Variants in ARB2A observed in about 807,000 individuals in gnomAD.
ARB2A encodes cotranscriptional regulator ARB2A.
At chr5:93,799,139 C>T in the ARB2A span, among the ~76,000 whole-genome samples, 2 of 152,060 alleles carry the variant, frequency 1.3e-5, no homozygotes, top group South Asian at 2.1e-4. Context: ...ACATCTCAGT[C>T]ATATGTTTTT....
At chr5:93,656,810 TG>T in the ARB2A span, among the ~76,000 whole-genome samples, 2 of 151,362 alleles carry the variant, frequency 1.3e-5, no homozygotes, top group Non-Finnish European at 2.9e-5. Context: ...ATTTATAAGT[TG>T]TTTTTTTTTT....
the ARB2A span, among the ~76,000 whole-genome samples, chr5:93,976,984 G>T: frequency 6.6e-6 from 1 of 150,628 alleles, no homozygotes; most frequent in Non-Finnish European, 1.5e-5. Context: ...ACCAAATTAA[G>T]AATGCAATAC....
At chr5:93,936,656 T>C in the ARB2A span, among the ~76,000 whole-genome samples, 1 of 152,200 alleles carries the variant, frequency 6.6e-6, no homozygotes, top group Non-Finnish European at 1.5e-5. Context: ...TTACTATATA[T>C]TGCATACTAT....
the ARB2A span, among the ~76,000 whole-genome samples, chr5:94,088,605 G>C: frequency 3.3e-5 from 5 of 152,066 alleles, no homozygotes; most frequent in African/African-American, 4.8e-5. Flanking sequence ...TCAGGAGTTT[G>C]ACGTTACACT....
chr5:94,087,416 T>A, the ARB2A span, among the ~76,000 whole-genome samples: 1 of 151,974 alleles, frequency 6.6e-6, no homozygotes, highest in Non-Finnish European at 1.5e-5. Context: ...TAAAAAAAAA[T>A]TAATTTTAAA....
At chr5:93,850,167 T>C in the ARB2A span, among the ~76,000 whole-genome samples, 1 of 152,218 alleles carries the variant, frequency 6.6e-6, no homozygotes, top group African/African-American at 2.4e-5. Context: ...CATACAAATG[T>C]GTGCATGTAT....
At chr5:93,853,064 T>C in the ARB2A span, among the ~76,000 whole-genome samples, 2 of 152,170 alleles carry the variant, frequency 1.3e-5, no homozygotes, top group East Asian at 1.9e-4. Flanking sequence ...GCCATTTTCA[T>C]GATATTGATT....
chr5:93,823,808 A>G, the ARB2A span, among the ~76,000 whole-genome samples: 16 of 152,024 alleles, frequency 1.1e-4, no homozygotes, highest in Non-Finnish European at 1.8e-4. Context: ...TATAAAAATT[A>G]GCTGAGCATG....
the ARB2A span, among the ~76,000 whole-genome samples, chr5:93,705,334 C>T: frequency 2.6e-5 from 4 of 152,260 alleles, no homozygotes; most frequent in African/African-American, 9.6e-5. Flanking sequence ...AAGAAATTCT[C>T]AAACTTCCTG....
the ARB2A span, among the ~76,000 whole-genome samples, chr5:93,883,924 T>TACACATAC: frequency 0.013 from 1,733 of 133,948 alleles, 5 homozygotes; most frequent in Non-Finnish European, 0.021. Context: ...CACATACACA[T>TACACATAC]ACACACACAC....
chr5:93,654,238 A>G, the ARB2A span, among the ~76,000 whole-genome samples: 1 of 152,192 alleles, frequency 6.6e-6, no homozygotes, highest in Non-Finnish European at 1.5e-5. Context: ...ACCAGAAAAG[A>G]GTTTATGGTG....
At chr5:93,852,493 C>A in the ARB2A span, among the ~76,000 whole-genome samples, 12 of 151,966 alleles carry the variant, frequency 7.9e-5, no homozygotes, top group African/African-American at 2.9e-4. Context: ...CTTTTGTTGC[C>A]ATTGCTTTTG....
the ARB2A span, among the ~76,000 whole-genome samples, chr5:93,857,718 C>T: frequency 2.0e-5 from 3 of 152,204 alleles, no homozygotes; most frequent in Non-Finnish European, 4.4e-5. Flanking sequence ...AAAGGGAACT[C>T]CCTGACCCCT....
At chr5:93,988,155 T>C in the ARB2A span, among the ~76,000 whole-genome samples, 7 of 152,188 alleles carry the variant, frequency 4.6e-5, no homozygotes, top group Non-Finnish European at 1.0e-4. Flanking sequence ...GGTCATTATC[T>C]CTTCCTTGCT....
chr5:94,006,184 T>A, the ARB2A span, among the ~76,000 whole-genome samples: 4 of 152,174 alleles, frequency 2.6e-5, no homozygotes, highest in Non-Finnish European at 4.4e-5. Context: ...ATCCCTATCA[T>A]CTAATCATGC....
the ARB2A span, among the ~76,000 whole-genome samples, chr5:93,873,403 G>A: frequency 2.1e-4 from 30 of 140,686 alleles, 1 homozygote; most frequent in African/African-American, 7.6e-4. Context: ...AGGGGAAGGG[G>A]AAGGGGAAAG....
At chr5:93,988,899 C>G in the ARB2A span, among the ~76,000 whole-genome samples, 1 of 152,112 alleles carries the variant, frequency 6.6e-6, no homozygotes, top group African/African-American at 2.4e-5. Context: ...GGATTCAAAC[C>G]TAGGCAATCT....
At chr5:93,959,505 G>T in the ARB2A span, among the ~76,000 whole-genome samples, 1 of 151,976 alleles carries the variant, frequency 6.6e-6, no homozygotes, top group Non-Finnish European at 1.5e-5. Context: ...GGAGATAGAC[G>T]TATTGGAAAA....
the ARB2A span, among the ~76,000 whole-genome samples, chr5:93,780,551 C>G: frequency 6.6e-6 from 1 of 151,748 alleles, no homozygotes; most frequent in Admixed American, 6.6e-5. Context: ...CCCTCCCCTC[C>G]CCTCCCTCTC....
Sources: gnomAD v4.1 joint callset for allele counts (sites outside exome capture counted in the v4.1 genomes callset) on GRCh38, gnomAD v4.1.1 for gene constraint, MANE v1.5 for transcripts, NCBI Gene and HGNC (gene_info 2026-07-23, HGNC 2026-07-21) for gene names.